Variants in SNX10 observed in about 807,000 individuals in gnomAD.
The protein encoded by SNX10 is sorting nexin 10.
Under a neutral mutation model 28.5 loss-of-function variants are expected in SNX10, and 25 were observed. The ratio of observed to expected loss-of-function variants is 0.88; its 90% CI spans 0.64 to 1.22. The LOEUF is 1.22. SNX10 is among the 50% of genes most tolerant of loss of function. SNX10 has a pLI of 0.00. For synonymous variants in SNX10, 62 were observed against 81.4 expected (o/e 0.76, Z 1.28); for missense variants, 223 against 242.6 (o/e 0.92, Z 0.54).
intron 1 of SNX10, among the ~76,000 whole-genome samples, chr7:26,322,241 G>A (rs1787339059): frequency 1.3e-5 from 2 of 152,096 alleles, no homozygotes; most frequent in Admixed American, 1.3e-4. Context: ...TGGAATTCTT[G>A]GATTACTAAA....
chr7:26,347,982 G>A (rs757979651), intron 2 of SNX10, among the ~76,000 whole-genome samples: 1 of 152,128 alleles, frequency 6.6e-6, no homozygotes, highest in Non-Finnish European at 1.5e-5. Flanking sequence ...GTCTCTCTTT[G>A]TTGCCTAGAT....
At chr7:26,325,134 G>T (rs1038200530) in intron 1 of SNX10, among the ~76,000 whole-genome samples, 2 of 151,336 alleles carry the variant, frequency 1.3e-5, no homozygotes, top group Non-Finnish European at 2.9e-5. Context: ...ACTCCAAGAT[G>T]ACCTTTTTCT....
At chr7:26,328,076 A>T (rs1013539970) in intron 1 of SNX10, among the ~76,000 whole-genome samples, 1 of 152,132 alleles carries the variant, frequency 6.6e-6, no homozygotes, top group African/African-American at 2.4e-5. Flanking sequence ...CCACTTGCTA[A>T]GTATGTTGGG....
At chr7:26,363,391 A>G (rs905684264) in intron 3 of SNX10, among the ~76,000 whole-genome samples, 1 of 152,242 alleles carries the variant, frequency 6.6e-6, no homozygotes. Context: ...AAGGAAAACA[A>G]TCGCTGGGCA....
At chr7:26,312,668 C>G (rs1372383516) in intron 1 of SNX10, among the ~76,000 whole-genome samples, 1 of 152,108 alleles carries the variant, frequency 6.6e-6, no homozygotes, top group Admixed American at 6.5e-5. Flanking sequence ...CCTGTAATCC[C>G]AGCTACTCAA....
At chr7:26,362,252 A>AAAT (rs1789105780) in intron 3 of SNX10, among the ~76,000 whole-genome samples, 1 of 152,252 alleles carries the variant, frequency 6.6e-6, no homozygotes, top group Admixed American at 6.5e-5. Flanking sequence ...CTGTGTGGAA[A>AAAT]ATTATGACTA....
intron 1 of SNX10, among the ~76,000 whole-genome samples, chr7:26,310,501 G>A (rs1786784186): frequency 6.6e-6 from 1 of 152,120 alleles, no homozygotes; most frequent in Admixed American, 6.5e-5. Context: ...AAAGGATAGA[G>A]TTCCTAGGGG....
chr7:26,326,170 G>A (rs925331820), intron 1 of SNX10, among the ~76,000 whole-genome samples: 5 of 152,176 alleles, frequency 3.3e-5, no homozygotes, highest in South Asian at 2.1e-4. Context: ...ACGAGAAAAC[G>A]TCGAACAAAT....
intron 1 of SNX10, among the ~76,000 whole-genome samples, chr7:26,310,605 G>A (rs990029485): frequency 5.9e-5 from 9 of 152,052 alleles, no homozygotes; most frequent in Non-Finnish European, 1.0e-4. Context: ...TGGTGAGTTG[G>A]GGGTGGGGAG....
intron 1 of SNX10, among the ~76,000 whole-genome samples, chr7:26,344,175 ATTTTT>A (rs35200460): frequency 8.8e-6 from 1 of 114,110 alleles, no homozygotes; most frequent in African/African-American, 3.6e-5. Context: ...CTGTCTCTGA[ATTTTT>A]TTTTTTTTTT....
At chr7:26,320,753 C>G (rs1306248316) in intron 1 of SNX10, among the ~76,000 whole-genome samples, 1 of 152,142 alleles carries the variant, frequency 6.6e-6, no homozygotes, top group Non-Finnish European at 1.5e-5. Context: ...TCTATGCATA[C>G]AAGCATGTAT....
intron 5 of SNX10, among the ~76,000 whole-genome samples, chr7:26,369,909 G>A (rs1584181738): frequency 6.6e-6 from 1 of 152,186 alleles, no homozygotes; most frequent in East Asian, 1.9e-4. Context: ...ATAACAACAC[G>A]TGAGCAGTTC....
rs558852020 is a variant in SNX10, at chr7:26,356,580, G to C, written c.25-4395G>C. On this transcript the variant is annotated intron_variant, in intron 2 of 6. Coordinates refer to ENST00000338523, the MANE Select transcript of SNX10 (RefSeq NM_013322.3). ...CACTAATTCCTACTAATTGCAGAGT[G>C]GGGGAGGAGGAGACCCATGTGAATT... is the stretch of plus-strand genomic sequence containing the variant. 2.6e-5 allele frequency among the ~76,000 whole-genome samples: 4 copies of C among 152,238 alleles called. No individual in the cohort carries two copies. In the South Asian group the frequency reaches 8.3e-4, roughly 32 times the overall value.
chr7:26,325,822 G>A (rs144947749), intron 1 of SNX10, among the ~76,000 whole-genome samples: 5,769 of 151,462 alleles, frequency 0.038, 365 homozygotes, highest in East Asian at 0.27. Context: ...CTACCTCCTG[G>A]GTTCCAGCGA....
chr7:26,299,779 A>G lies in SNX10; in HGVS notation c.-24+7693A>G, dbSNP rs540746087. On this transcript the variant is annotated intron_variant, in intron 1 of 6. Coordinates refer to ENST00000338523, the MANE Select transcript of SNX10 (RefSeq NM_013322.3). ...AATAATTTTAAAGTATAAAAAGTGC[A>G]GGCTGTGTGCAGTGGCTCACACCTG... Among the ~76,000 whole-genome samples, 6 of 152,206 alleles carry G rather than the reference A, an allele frequency of 3.9e-5. 1 individual carries two copies. In the South Asian group the frequency reaches 1.2e-3, roughly 32 times the overall value.
chr7:26,320,599 A>G (rs1787274772), intron 1 of SNX10, among the ~76,000 whole-genome samples: 1 of 151,432 alleles, frequency 6.6e-6, no homozygotes, highest in African/African-American at 2.4e-5. Flanking sequence ...CGCCCTGCTA[A>G]TTTTTGTATT....
rs1191805183 is a variant in SNX10 at position 26,356,174 on chromosome 7, AATTAGATCT to A, written c.25-4800_25-4792del. ...GCTGATTATTATAGGATAACACAGGAATTAGATCTTCAAAGAGTCTAGGAGTCTTTCTTT... is the reference window on the plus strand; with the variant it reads ...GCTGATTATTATAGGATAACACAGGATCAAAGAGTCTAGGAGTCTTTCTTT... On this transcript the variant is annotated intron_variant, in intron 2 of 6. Coordinates refer to ENST00000338523, the MANE Select transcript of SNX10 (RefSeq NM_013322.3). 4.6e-5 allele frequency among the ~76,000 whole-genome samples: 7 copies of A among 152,358 alleles called. No individual in the cohort carries two copies. The South Asian group carries it at 1.0e-3, about 23-fold the overall frequency.
Position 26,295,932 on chromosome 7 carries a change from T to C in SNX10, c.-24+3846T>C, listed in dbSNP as rs552267395. 5.3e-5 allele frequency among the ~76,000 whole-genome samples: 8 copies of C among 152,336 alleles called. No homozygotes were observed. In the South Asian group the frequency reaches 1.2e-3, roughly 24 times the overall value. On this transcript the variant is annotated intron_variant, in intron 1 of 6. Coordinates refer to ENST00000338523, the MANE Select transcript of SNX10 (RefSeq NM_013322.3). ...CAGCCATTCAGACCTCTTGGTAGAA[T>C]TGTCGTATTGGAAAGTTTTTGCTAA...
At chr7:26,322,489 A>G (rs182220228) in intron 1 of SNX10, among the ~76,000 whole-genome samples, 8 of 152,272 alleles carry the variant, frequency 5.3e-5, no homozygotes, top group East Asian at 1.9e-4. Flanking sequence ...CTTTTCCCCA[A>G]TTTGTTATTA....
Sources: gnomAD v4.1 joint callset for allele counts (sites outside exome capture counted in the v4.1 genomes callset) on GRCh38, gnomAD v4.1.1 for gene constraint, MANE v1.5 for transcripts, NCBI Gene and HGNC (gene_info 2026-07-23, HGNC 2026-07-21) for gene names.